Variants in HABP2 observed in about 807,000 individuals in gnomAD.
HABP2 encodes factor VII-activating protease.
HABP2 carries 65 observed loss-of-function variants against 66.5 expected under a neutral mutation model. The observed-to-expected ratio is 0.98, with a 90% CI of 0.80 to 1.20. The LOEUF (loss-of-function observed/expected upper bound fraction) is 1.20, where lower values mean the gene tolerates loss of function less well. HABP2 is among the 50% of genes most tolerant of loss of function. The pLI is 0.00. For missense variants in HABP2, 786 were observed against 691.0 expected (o/e 1.14, Z -1.54); for synonymous variants, 263 against 253.9 (o/e 1.04, Z -0.34).
upstream of HABP2, among the ~76,000 whole-genome samples, chr10:113,551,740 A>T (rs1021173880): frequency 6.6e-6 from 1 of 152,128 alleles, no homozygotes; most frequent in Admixed American, 6.5e-5. Flanking sequence ...CAGGAGGCAG[A>T]GGTTGCAGTG....
intron 1 of HABP2, among the ~76,000 whole-genome samples, chr10:113,566,766 G>C (rs1283461734): frequency 6.6e-6 from 1 of 152,224 alleles, no homozygotes; most frequent in African/African-American, 2.4e-5. Context: ...GAAGGTCATA[G>C]AGGGGGGCTT....
chr10:113,561,100 A>C (rs1360465189), intron 1 of HABP2, among the ~76,000 whole-genome samples: 3 of 152,226 alleles, frequency 2.0e-5, no homozygotes, highest in Admixed American at 1.3e-4. Flanking sequence ...AGTGTCTTCT[A>C]GGATAAAGTT....
chr10:113,573,055 G>A (rs1845343044), intron 2 of HABP2, among the ~76,000 whole-genome samples: 1 of 152,210 alleles, frequency 6.6e-6, no homozygotes. Context: ...GGCTCCGTAG[G>A]AGTGCCTTTT....
At position 113,588,441 on chromosome 10, in the gene HABP2, T is replaced by G. The variant is rs1450944577; in HGVS notation, c.*72T>G. 1.7e-6 allele frequency: 2 copies of G among 1,206,226 alleles called. No individual in the cohort carries two copies. Among genetic ancestry groups the G allele is most frequent in the African/African-American group, 1.5e-5 (1 of 66,192 alleles). 74.7% of individuals were successfully genotyped at this position (1,206,226 alleles called of 1,614,324 possible). A position where few individuals can be genotyped will look rare whatever the true frequency, so the allele number is the denominator to read the frequency against. ...CACCGGGAGGCCTCATGGCCAACAA[T>G]GGACACCTCCAGAGCCTCCAGGGGA... On this transcript the variant is annotated 3_prime_UTR_variant, in exon 13 of 13. Coordinates refer to ENST00000351270, the MANE Select transcript of HABP2 (RefSeq NM_004132.5).
At position 113,577,291 on chromosome 10, in the gene HABP2, G is replaced by A. The variant is rs200349354; in HGVS notation, c.448+25G>A. 12 of 1,194,536 alleles carry A rather than the reference G, an allele frequency of 1.0e-5. No homozygotes were observed. In the African/African-American group the frequency reaches 1.2e-4, roughly 12 times the overall value. 74.0% of individuals were successfully genotyped at this position (1,194,536 alleles called of 1,614,324 possible). On this transcript the variant is annotated intron_variant, in intron 5 of 12. Coordinates refer to ENST00000351270, the MANE Select transcript of HABP2 (RefSeq NM_004132.5). ...GGTAAGTGGTGGAGGCCCCTTCGAC[G>A]CTAGACTTTCTGTGCCCTATCTTGT...
chr10:113,587,423 G>C (rs1301700358), intron 12 of HABP2, among the ~76,000 whole-genome samples: 1 of 152,168 alleles, frequency 6.6e-6, no homozygotes, highest in Non-Finnish European at 1.5e-5. Flanking sequence ...ATTGAAACCT[G>C]TTTCTGTCTC....
In HABP2 at chr10:113,585,919, C is replaced by G; in HGVS notation, c.1499C>G (p.Pro500Arg). ...SMICAGNLQK[P>R]GQDTCQGDSG... ...ATCTGTGCAGGAAATCTTCAGAAACCTGGGCAAGACACCTGCCAGGTCAGA... is the reference window on the plus strand; with the variant it reads ...ATCTGTGCAGGAAATCTTCAGAAACGTGGGCAAGACACCTGCCAGGTCAGA... Residue 500 changes from proline (P) to arginine (R), a missense_variant, in exon 12 of 13, where the codon CCT (proline) becomes CGT (arginine). By Grantham distance (103) the Pro-to-Arg change is moderately radical. Transcript: ENST00000351270. The G allele has an allele frequency of 6.2e-7, 1 of 1,614,002 alleles. No homozygotes were observed. Among genetic ancestry groups the G allele is most frequent in the Non-Finnish European group, 8.5e-7 (1 of 1,179,888 alleles).
intron 6 of HABP2, 146 bp from the exon 7 acceptor site, chr10:113,578,481 T>A (rs1273397715): frequency 4.6e-6 from 3 of 646,326 alleles, no homozygotes; most frequent in Non-Finnish European, 8.2e-6. Context: ...CATTCAACAC[T>A]TTTTTTTCTG....
upstream of HABP2, among the ~76,000 whole-genome samples, chr10:113,551,118 A>C (rs916880702): frequency 6.6e-6 from 1 of 152,214 alleles, no homozygotes; most frequent in Admixed American, 6.5e-5. Flanking sequence ...TCCAACTGTC[A>C]CATGGATAAA....
At chr10:113,558,727 G>A (rs1370627017) in intron 1 of HABP2, among the ~76,000 whole-genome samples, 1 of 152,210 alleles carries the variant, frequency 6.6e-6, no homozygotes, top group East Asian at 1.9e-4. Flanking sequence ...TGCCTAGCGG[G>A]GGAGTTACCT....
chr10:113,572,790 G>A (rs1845337469), intron 2 of HABP2: 2 of 434,632 alleles, frequency 4.6e-6, no homozygotes, highest in Non-Finnish European at 4.6e-6. Flanking sequence ...GAAATAATGA[G>A]CAAGCCAAGG....
intron 1 of HABP2, among the ~76,000 whole-genome samples, chr10:113,561,520 C>T (rs536805831): frequency 9.2e-5 from 14 of 152,294 alleles, no homozygotes; most frequent in African/African-American, 3.4e-4. Context: ...GGGAGTAACG[C>T]ACCTCCCTGG....
intron 1 of HABP2, among the ~76,000 whole-genome samples, chr10:113,562,926 T>C (rs949240063): frequency 6.6e-6 from 1 of 152,246 alleles, no homozygotes; most frequent in African/African-American, 2.4e-5. Context: ...GCAAGGACTC[T>C]GATGTGAGAC....
chr10:113,574,523 T>A (rs929465829), intron 3 of HABP2, 118 bp downstream of exon 3: 1 of 615,530 alleles, frequency 1.6e-6, no homozygotes, highest in Non-Finnish European at 2.9e-6. Flanking sequence ...GAAATAGCTA[T>A]GGAAGAAATT....
intron 7 of HABP2, among the ~76,000 whole-genome samples, chr10:113,579,400 G>A (rs566838812): frequency 2.4e-4 from 36 of 152,220 alleles, no homozygotes; most frequent in Non-Finnish European, 4.0e-4. Context: ...TGAAGCATGA[G>A]TTTTTCTCTA....
intron 2 of HABP2, chr10:113,569,729 C>T (rs951291115): frequency 5.3e-5 from 8 of 152,272 alleles, no homozygotes; most frequent in African/African-American, 1.7e-4. Context: ...TGAGCCCATC[C>T]ATCAGCTGTC....
intron 12 of HABP2, among the ~76,000 whole-genome samples, chr10:113,586,202 G>A (rs1157604276): frequency 6.6e-6 from 1 of 152,248 alleles, no homozygotes; most frequent in Non-Finnish European, 1.5e-5. Flanking sequence ...TGAAGGTGAT[G>A]TCATGATCAC....
intron 1 of HABP2, among the ~76,000 whole-genome samples, chr10:113,554,145 G>A (rs768357220): frequency 4.6e-4 from 70 of 152,298 alleles, no homozygotes; most frequent in Non-Finnish European, 2.1e-4. Context: ...ACAAGTAAAC[G>A]AGGTCATGTA....
intron 4 of HABP2, 67 bp downstream of exon 4, chr10:113,576,071 G>A: frequency 1.1e-6 from 1 of 877,960 alleles, no homozygotes; most frequent in South Asian, 1.4e-5. Flanking sequence ...TTCTGTGTGA[G>A]AAAGCACTGC....
Sources: allele counts gnomAD v4.1 joint callset (sites outside exome capture counted in the v4.1 genomes callset), GRCh38; gene constraint gnomAD v4.1.1; transcripts MANE v1.5; gene names NCBI Gene and HGNC (gene_info 2026-07-23, HGNC 2026-07-21).